Variants in CENPH observed in about 807,000 individuals in gnomAD.
CENPH encodes CENP-H.
A neutral mutation model predicts 42.9 loss-of-function variants in CENPH; 40 were observed. The ratio of observed to expected loss-of-function variants is 0.93; its 90% CI spans 0.72 to 1.21. CENPH has a LOEUF of 1.21. CENPH is among the 50% of genes most tolerant of loss of function. The pLI, the probability that CENPH is intolerant of heterozygous loss-of-function variation, is 0.00. For missense variants in CENPH, 302 were observed against 292.9 expected (o/e 1.03, Z -0.23); for synonymous variants, 88 against 96.5 (o/e 0.91, Z 0.52).
chr5:69,190,815 G>A (rs982231934), intron 1 of CENPH, among the ~76,000 whole-genome samples: 17 of 152,010 alleles, frequency 1.1e-4, no homozygotes, highest in African/African-American at 2.4e-4. Context: ...GATTGAACCC[G>A]GGAGGCAGAG....
intron 7 of CENPH, among the ~76,000 whole-genome samples, chr5:69,207,336 A>G (rs1235851513): frequency 1.3e-5 from 2 of 151,790 alleles, no homozygotes; most frequent in East Asian, 2.0e-4. Flanking sequence ...TTATAGGCAC[A>G]TGTCACCATG....
At position 69,208,155 on chromosome 5, in the gene CENPH, G is replaced by A. The variant is rs747999587; in HGVS notation, c.488-41G>A. 10 of 1,035,954 alleles carry A rather than the reference G, an allele frequency of 9.7e-6. No homozygotes were observed. The South Asian group carries it at 1.6e-4, about 16-fold the overall frequency. The allele number at this position is 1,035,954 out of a possible 1,614,324, so 64.2% of individuals were successfully genotyped here. A position where few individuals can be genotyped will look rare whatever the true frequency, so the allele number is the denominator to read the frequency against. On this transcript the variant is annotated intron_variant, in intron 7 of 8. Transcript: ENST00000283006. ...ATTTTTCAAGATCCTTGTTTATAGA[G>A]GTATTATATATGGTATATTATTTTA...
chr5:69,202,251 A>C (rs1226687902), intron 5 of CENPH, among the ~76,000 whole-genome samples: 1 of 152,220 alleles, frequency 6.6e-6, no homozygotes, highest in East Asian at 1.9e-4. Flanking sequence ...AAATGTTCCC[A>C]CATTTTTAAA....
Position 69,202,552 on chromosome 5 carries a change from A to T in CENPH, c.418A>T (p.Ile140Leu), listed in dbSNP as rs761842827. ...ACACCTATTAGAGCTAAATAAATTA[A>T]TAATGAAATCACAGCAGGTAAACTT... ...MKHLLELNKL[I>L]MKSQQESWDL... Residue 140 changes from isoleucine to leucine, a missense_variant, in exon 6 of 9, where the codon ATA (isoleucine) becomes TTA (leucine). Transcript: ENST00000283006. The T allele has an allele frequency of 6.4e-7, 1 of 1,566,542 alleles. No homozygotes were observed. The highest frequency in any genetic ancestry group is 1.1e-5 in the South Asian group (1 of 87,398).
chr5:69,191,500 A>C (rs1340605380), intron 1 of CENPH, among the ~76,000 whole-genome samples: 7 of 152,214 alleles, frequency 4.6e-5, no homozygotes, highest in Non-Finnish European at 1.0e-4. Context: ...CAAGAGTGCA[A>C]GACTCCGTCT....
In CENPH at chr5:69,209,746, C is replaced by T. The variant is rs1251507261; in HGVS notation, c.691C>T (p.Pro231Ser). ...GAGTAAAGTCAATTGGGCAGAGGATCCTGCCCTTAAGGAAATTGTTCTGCA... is the reference window on the plus strand; with the variant it reads ...GAGTAAAGTCAATTGGGCAGAGGATTCTGCCCTTAAGGAAATTGTTCTGCA... ...LGSKVNWAED[P>S]ALKEIVLQLE... Residue 231 changes from proline to serine, a missense_variant, in exon 9 of 9, where the codon CCT becomes TCT. Coordinates refer to ENST00000283006, the MANE Select transcript of CENPH (RefSeq NM_022909.4). The T allele has an allele frequency of 2.5e-6, 4 of 1,604,066 alleles. No individual in the cohort carries two copies. The highest frequency in any genetic ancestry group is 3.4e-6 in the Non-Finnish European group (4 of 1,172,930).
chr5:69,205,578 C>T (rs1748141342), intron 7 of CENPH, among the ~76,000 whole-genome samples: 1 of 151,974 alleles, frequency 6.6e-6, no homozygotes, highest in Admixed American at 6.6e-5. Context: ...TGGAGGCACA[C>T]TCATGGCTCA....
chr5:69,203,094 G>C, intron 7 of CENPH, 124 bp downstream of exon 7: 1 of 684,606 alleles, frequency 1.5e-6, no homozygotes, highest in Non-Finnish European at 2.6e-6. Context: ...TAAAATTTTT[G>C]ACATGGCAAC....
chr5:69,193,742 A>C (rs1024361529), intron 2 of CENPH, among the ~76,000 whole-genome samples: 11 of 150,668 alleles, frequency 7.3e-5, no homozygotes, highest in African/African-American at 2.7e-4. Context: ...GCTCACTGCA[A>C]CCTCCGCCTC....
intron 7 of CENPH, chr5:69,207,783 C>T (rs1021978163): frequency 6.6e-6 from 1 of 152,668 alleles, no homozygotes; most frequent in African/African-American, 2.4e-5. Flanking sequence ...TGCACTCCAG[C>T]CTAGGCAACA....
chr5:69,196,766 A>C (rs1339032089), intron 4 of CENPH, among the ~76,000 whole-genome samples: 1 of 152,194 alleles, frequency 6.6e-6, no homozygotes, highest in East Asian at 1.9e-4. Context: ...GGCTTTGCAC[A>C]AAAGTAGATG....
At chr5:69,194,615 G>A (rs1375254912) in intron 2 of CENPH, 32 bp from the exon 3 acceptor site, 1 of 1,366,756 alleles carries the variant, frequency 7.3e-7, no homozygotes, top group Non-Finnish European at 1.0e-6. Context: ...TCTCTAAAAT[G>A]TTAGTAACTT....
chr5:69,197,912 TC>T (rs572781663), intron 5 of CENPH, among the ~76,000 whole-genome samples: 11,959 of 119,128 alleles, frequency 0.1, 1,092 homozygotes, highest in African/African-American at 0.14. Context: ...TTACCTATGA[TC>T]TTTTTTTTTT....
rs1662864007 is a variant in CENPH, at chr5:69,193,507, C to A, written c.191-1140C>A. Among the ~76,000 whole-genome samples, 5 of 151,830 alleles carry A rather than the reference C, an allele frequency of 3.3e-5. No individual in the cohort carries two copies. The Admixed American group carries it at 3.3e-4, about 10-fold the overall frequency. Reference sequence around the variant, plus strand: ...AGATGTGGTACCATGTGCCTGTAGTCCCACCCAGCTGAGGTGGGAGGATTA... The same window carrying A: ...AGATGTGGTACCATGTGCCTGTAGTACCACCCAGCTGAGGTGGGAGGATTA... On this transcript the variant is annotated intron_variant, in intron 2 of 8. Coordinates refer to ENST00000283006, the MANE Select transcript of CENPH (RefSeq NM_022909.4).
At chr5:69,205,812 C>G (rs1326993191) in intron 7 of CENPH, among the ~76,000 whole-genome samples, 1 of 149,108 alleles carries the variant, frequency 6.7e-6, no homozygotes, top group Non-Finnish European at 1.5e-5. Context: ...GGGTTCACAC[C>G]ATTCTTCTGC....
intron 7 of CENPH, among the ~76,000 whole-genome samples, chr5:69,206,807 T>G (rs1157056013): frequency 6.6e-6 from 1 of 152,190 alleles, no homozygotes; most frequent in Non-Finnish European, 1.5e-5. Context: ...ATTTGTCATT[T>G]GTAAACATTA....
intron 7 of CENPH, 44 bp from the exon 8 acceptor site, chr5:69,208,152 A>G: frequency 2.0e-6 from 2 of 985,950 alleles, no homozygotes; most frequent in Non-Finnish European, 2.9e-6. Context: ...CCTTGTTTAT[A>G]GAGGTATTAT....
intron 5 of CENPH, among the ~76,000 whole-genome samples, chr5:69,199,194 T>G (rs1748015998): frequency 6.6e-6 from 1 of 152,168 alleles, no homozygotes; most frequent in Non-Finnish European, 1.5e-5. Context: ...GTTTTGTTTT[T>G]TTGAGACAGG....
intron 2 of CENPH, 124 bp downstream of exon 2, chr5:69,191,974 C>A: frequency 1.8e-6 from 1 of 543,558 alleles, no homozygotes; most frequent in East Asian, 3.3e-5. Context: ...CAGCCTCAGC[C>A]TCCTGGGCTC....
Sources: gnomAD v4.1 joint callset for allele counts (sites outside exome capture counted in the v4.1 genomes callset) on GRCh38, gnomAD v4.1.1 for gene constraint, MANE v1.5 for transcripts, NCBI Gene and HGNC (gene_info 2026-07-23, HGNC 2026-07-21) for gene names.